Variants in MTIF2 observed in about 807,000 individuals in gnomAD.
The protein encoded by MTIF2 is translation initiation factor IF-2, mitochondrial.
Under a neutral mutation model 83.5 loss-of-function variants are expected in MTIF2, and 71 were observed. The observed-to-expected ratio is 0.85, with a 90% CI of 0.70 to 1.04. The LOEUF (loss-of-function observed/expected upper bound fraction) is 1.04, where lower values mean the gene tolerates loss of function less well. Ranked by LOEUF, MTIF2 falls within the 50% of genes least tolerant of loss-of-function variation. The pLI, the probability that MTIF2 is intolerant of heterozygous loss-of-function variation, is 0.00. For missense variants in MTIF2, 957 were observed against 846.5 expected (o/e 1.13, Z -1.62); for synonymous variants, 319 against 287.1 (o/e 1.11, Z -1.12).
chr2:55,243,342 A>AAG, intron 12 of MTIF2, 74 bp downstream of exon 12: 1 of 1,354,918 alleles, frequency 7.4e-7, no homozygotes, highest in Non-Finnish European at 1.0e-6. Context: ...TGTAAATGTA[A>AAG]AGGCCCAAAC....
intron 9 of MTIF2, among the ~76,000 whole-genome samples, chr2:55,248,010 C>G (rs79693341): frequency 0.11 from 16,981 of 152,182 alleles, 1,138 homozygotes; most frequent in East Asian, 0.28. Context: ...CCAGTCTTAG[C>G]CTCCCCAATA....
intron 10 of MTIF2, 134 bp from the exon 11 acceptor site, chr2:55,244,367 T>A: frequency 1.4e-6 from 1 of 702,636 alleles, no homozygotes; most frequent in Non-Finnish European, 2.3e-6. Flanking sequence ...ACTTAAGCAG[T>A]TTTTCATACT....
intron 5 of MTIF2, among the ~76,000 whole-genome samples, chr2:55,256,487 C>A (rs537691709): frequency 4.6e-5 from 7 of 151,926 alleles, no homozygotes; most frequent in Admixed American, 3.9e-4. Flanking sequence ...GCGGGCAGAT[C>A]ACGAGGTCAG....
chr2:55,253,084 TGC>T (rs1558568040), intron 7 of MTIF2, among the ~76,000 whole-genome samples: 1 of 152,190 alleles, frequency 6.6e-6, no homozygotes. Flanking sequence ...ATCCTGGCTA[TGC>T]TACTTACTGG....
intron 4 of MTIF2, 117 bp downstream of exon 4, chr2:55,263,523 T>C: frequency 9.8e-6 from 7 of 715,194 alleles, no homozygotes; most frequent in South Asian, 9.8e-5. Flanking sequence ...GGCAGGAGAA[T>C]TGCTTAAACC....
rs34174245 is a variant in MTIF2, at chr2:55,236,749, T to A, written c.2083A>T (p.Ser695Cys). 11 of 1,612,204 alleles carry A rather than the reference T, an allele frequency of 6.8e-6. No homozygotes were observed. Among genetic ancestry groups the A allele is most frequent in the African/African-American group, 2.7e-5 (2 of 74,878 alleles). ...AATTCCATATTGTCTTCATCTAAAC[T>A]GAGACCACAATCCATTCCCGTTTTG... ...IVKTGMDCGL[S>C]LDEDNMEFQV... The change falls in exon 16 of 16, where the codon AGT (serine) becomes TGT (cysteine). Residue 695 changes from serine (S) to cysteine (C), a missense_variant. Physicochemically the swap from Ser to Cys is moderately radical, Grantham distance 112. Around this residue, in one of 3 missense-constraint regions of MTIF2, gnomAD observed 221 missense variants for 180.6 expected, o/e 1.22. Coordinates refer to ENST00000263629, the MANE Select transcript of MTIF2 (RefSeq NM_002453.3).
intron 6 of MTIF2, 113 bp downstream of exon 6, chr2:55,254,541 C>T (rs1287028428): frequency 3.4e-6 from 3 of 871,534 alleles, no homozygotes; most frequent in Admixed American, 2.9e-5. Flanking sequence ...GAAGTTTATA[C>T]ACACATATCT....
intron 11 of MTIF2, 144 bp from the exon 12 acceptor site, chr2:55,243,812 TTTTAA>T (rs1283087115): frequency 1.4e-5 from 15 of 1,070,338 alleles, no homozygotes; most frequent in Non-Finnish European, 1.8e-5. Context: ...ACATGTAAAA[TTTTAA>T]TTTGAGAGCT....
chr2:55,265,244 GAAAA>G (rs540213481), intron 3 of MTIF2, among the ~76,000 whole-genome samples: 1 of 116,420 alleles, frequency 8.6e-6, no homozygotes, highest in African/African-American at 3.2e-5. Flanking sequence ...ACTCTGTCTT[GAAAA>G]AAAAAAAAAA....
intron 1 of MTIF2, 74 bp from the exon 2 acceptor site, chr2:55,268,813 T>C (rs1411841426): frequency 6.6e-6 from 1 of 152,190 alleles, no homozygotes; most frequent in Non-Finnish European, 1.5e-5. Flanking sequence ...GCTTTGGAAC[T>C]TACCAGAAAG....
chr2:55,256,930 C>T (rs973965376), intron 5 of MTIF2, among the ~76,000 whole-genome samples: 12 of 152,036 alleles, frequency 7.9e-5, no homozygotes, highest in Non-Finnish European at 1.5e-4. Context: ...AACTCCTGGT[C>T]GAGCAATTCT....
intron 9 of MTIF2, among the ~76,000 whole-genome samples, chr2:55,246,992 A>C (rs1452876065): frequency 6.6e-6 from 1 of 152,210 alleles, no homozygotes; most frequent in Non-Finnish European, 1.5e-5. Context: ...CTAGAGATCT[A>C]GGCTCTAAGC....
intron 10 of MTIF2, 63 bp downstream of exon 10, chr2:55,246,274 C>A: frequency 6.7e-7 from 1 of 1,492,104 alleles, no homozygotes; most frequent in South Asian, 1.4e-5. Flanking sequence ...AATACATTGT[C>A]ATATAATCAA....
intron 7 of MTIF2, among the ~76,000 whole-genome samples, chr2:55,253,820 G>GA (rs58393573): frequency 6.0e-5 from 3 of 49,912 alleles, no homozygotes; most frequent in Middle Eastern, 0.01. Flanking sequence ...GTCTCAAAAA[G>GA]AAAAAAAAAA....
intron 8 of MTIF2, 102 bp downstream of exon 8, chr2:55,252,375 A>G: frequency 2.0e-6 from 2 of 994,674 alleles, no homozygotes; most frequent in Non-Finnish European, 3.1e-6. Context: ...TAATACACGT[A>G]TAATAACTCT....
At position 55,267,566 on chromosome 2, in the gene MTIF2, C is replaced by A. The variant is rs909651380; in HGVS notation, c.-8+3G>T. The A allele has an allele frequency of 6.0e-6, 1 of 166,644 alleles. No individual in the cohort carries two copies. The allele number at this position is 166,644 out of a possible 1,614,324, so 10.3% of individuals were successfully genotyped here. A position where few individuals can be genotyped will look rare whatever the true frequency, so the allele number is the denominator to read the frequency against. ...AACAAAGGAACCTTAGGTGGACACTCACTCTGACAGTCAGTGTTATCTGGA... is the reference window on the plus strand; with the variant it reads ...AACAAAGGAACCTTAGGTGGACACTAACTCTGACAGTCAGTGTTATCTGGA... On this transcript the variant is annotated splice_donor_region_variant and intron_variant, in intron 3 of 15. Transcript: ENST00000263629.
Position 55,252,529 on chromosome 2 carries a change from A to G in MTIF2, c.789T>C (p.Asp263=), listed in dbSNP as rs774159007. 2 of 1,614,038 alleles carry G rather than the reference A, an allele frequency of 1.2e-6. No homozygotes were observed. Among genetic ancestry groups the G allele is most frequent in the African/African-American group, 2.7e-5 (2 of 74,928 alleles). ...ATTCTACAGTTTGTTTCATCACTCC[A>G]TCATCTGCAGCTACAACCAATACGA... is the stretch of plus-strand genomic sequence containing the variant. The part of the protein sequence containing the change: ...DIVVLVVAAD[D]GVMKQTVESI... The change falls in exon 8 of 16, where the codon GAT becomes GAC. Residue 263 remains aspartate, a synonymous_variant. Coordinates refer to ENST00000263629, the MANE Select transcript of MTIF2 (RefSeq NM_002453.3).
In MTIF2 at chr2:55,249,706, C is replaced by T. The variant is rs149118589; in HGVS notation, c.842-172G>A. On this transcript the variant is annotated intron_variant, in intron 8 of 15. Transcript: ENST00000263629. Reference sequence around the variant, plus strand: ...GAGTCACATCACCCTACTCTGCGCTCTACATATAGAGAAATCCAGATGCAA... The same window carrying T: ...GAGTCACATCACCCTACTCTGCGCTTTACATATAGAGAAATCCAGATGCAA... Among the ~76,000 whole-genome samples, 443 of 152,228 alleles carry T rather than the reference C, an allele frequency of 2.9e-3. 2 individuals carry two copies. The highest frequency in any genetic ancestry group is 0.01 in the Middle Eastern group (3 of 294).
chr2:55,244,474 G>A (rs1558556818), intron 10 of MTIF2, among the ~76,000 whole-genome samples: 1 of 152,132 alleles, frequency 6.6e-6, no homozygotes, highest in Non-Finnish European at 1.5e-5. Flanking sequence ...GGAGTTCAAA[G>A]TCAGCCTATC....
Sources: allele counts gnomAD v4.1 joint callset (sites outside exome capture counted in the v4.1 genomes callset), GRCh38; gene constraint gnomAD v4.1.1; regional missense constraint gnomAD v4.1.1; transcripts MANE v1.5; gene names NCBI Gene and HGNC (gene_info 2026-07-23, HGNC 2026-07-21).